LMNTD1: variants seen among roughly 807,000 people sequenced by gnomAD.
LMNTD1 encodes lamin tail domain-containing protein 1.
Under a neutral mutation model 50.9 loss-of-function variants are expected in LMNTD1, and 35 were observed. The observed-to-expected ratio is 0.69, with a 90% CI of 0.53 to 0.91. The LOEUF is 0.91. Among genes scored for constraint, LMNTD1 ranks in the 40% least tolerant of loss-of-function variants. The probability of loss-of-function intolerance (pLI) is 0.00; values close to 1 mark genes in which losing one functional copy is unlikely to be tolerated. For missense variants in LMNTD1, 470 were observed against 475.5 expected (o/e 0.99, Z 0.11); for synonymous variants, 153 against 161.9 (o/e 0.94, Z 0.42).
intron 1 of LMNTD1, among the ~76,000 whole-genome samples, chr12:25,626,529 A>T (rs1303569307): frequency 6.6e-6 from 1 of 152,128 alleles, no homozygotes; most frequent in Non-Finnish European, 1.5e-5. Context: ...TTTTTTGTGA[A>T]CTGAATTCAG....
At chr12:25,486,134 A>G (rs1315237425) in intron 9 of LMNTD1, among the ~76,000 whole-genome samples, 1 of 127,188 alleles carries the variant, frequency 7.9e-6, no homozygotes, top group South Asian at 3.2e-4. Context: ...CTTCCTACCC[A>G]TGAGCATGGA....
At chr12:25,493,964 G>A (rs1034938995) in intron 9 of LMNTD1, among the ~76,000 whole-genome samples, 2 of 152,282 alleles carry the variant, frequency 1.3e-5, no homozygotes. Context: ...AGGAGAGGAC[G>A]TTGTGGACAG....
At chr12:25,479,645 A>C (rs946538806) in intron 9 of LMNTD1, among the ~76,000 whole-genome samples, 1 of 152,246 alleles carries the variant, frequency 6.6e-6, no homozygotes. Context: ...TGCTGTGTGG[A>C]ATACCATGAC....
chr12:25,585,444 T>C (rs762150507), intron 1 of LMNTD1, among the ~76,000 whole-genome samples: 3 of 152,200 alleles, frequency 2.0e-5, no homozygotes, highest in Non-Finnish European at 4.4e-5. Flanking sequence ...TTGTAGTAGG[T>C]GGAACATTAT....
At position 25,515,269 on chromosome 12, in the gene LMNTD1, G is replaced by T. The variant is rs1233591205; in HGVS notation, c.1189+3526C>A. 2.0e-5 allele frequency among the ~76,000 whole-genome samples: 3 copies of T among 151,548 alleles called. No individual in the cohort carries two copies. The South Asian group carries it at 6.3e-4, about 32-fold the overall frequency. ...TATTGACGAGAAAAACATTAATAGGGGAATAAACAAGATACAGTAAATTTG... is the reference window on the plus strand; with the variant it reads ...TATTGACGAGAAAAACATTAATAGGTGAATAAACAAGATACAGTAAATTTG... On this transcript the variant is annotated intron_variant, in intron 8 of 9. Transcript: ENST00000458174.
chr12:25,489,422 C>G (rs899552900), intron 9 of LMNTD1, among the ~76,000 whole-genome samples: 3 of 151,394 alleles, frequency 2.0e-5, no homozygotes, highest in African/African-American at 4.9e-5. Context: ...TTATTTGACT[C>G]GGAAAGGGAA....
chr12:25,549,526 A>G lies in LMNTD1; in HGVS notation c.110T>C (p.Val37Ala). Residue 37 changes from valine to alanine, a missense_variant, in exon 3 of 10, where the codon GTA becomes GCA. Transcript: ENST00000458174. ...KQKQREDKLGVYSLVHFSPKM... is the reference protein window; with the variant it reads ...KQKQREDKLGAYSLVHFSPKM... ...TGGGGAAAAATGTACTAAAGAATATACTCCAAGTTTGTCTTCTCTTCTGTG... is the reference window on the plus strand; with the variant it reads ...TGGGGAAAAATGTACTAAAGAATATGCTCCAAGTTTGTCTTCTCTTCTGTG... 1 of 1,606,734 alleles carries G rather than the reference A, an allele frequency of 6.2e-7. No homozygotes were observed. The highest frequency in any genetic ancestry group is 8.5e-7 in the Non-Finnish European group (1 of 1,174,804).
intron 1 of LMNTD1, among the ~76,000 whole-genome samples, chr12:25,584,949 A>T (rs1183342778): frequency 6.6e-6 from 1 of 152,228 alleles, no homozygotes; most frequent in Non-Finnish European, 1.5e-5. Flanking sequence ...GCATCAAAAG[A>T]AATACTAGTT....
intron 9 of LMNTD1, among the ~76,000 whole-genome samples, chr12:25,491,818 A>T (rs1007885759): frequency 2.0e-5 from 3 of 152,218 alleles, no homozygotes; most frequent in African/African-American, 7.2e-5. Context: ...TAGGAGAGAC[A>T]ATAGGTTTCC....
intron 1 of LMNTD1, among the ~76,000 whole-genome samples, chr12:25,558,703 G>T (rs372642726): frequency 3.9e-5 from 6 of 152,278 alleles, no homozygotes; most frequent in South Asian, 4.1e-4. Flanking sequence ...AAGGGCAAAG[G>T]GTTGTCTCAC....
At chr12:25,574,910 C>T (rs567382792) in intron 1 of LMNTD1, among the ~76,000 whole-genome samples, 1 of 152,240 alleles carries the variant, frequency 6.6e-6, no homozygotes, top group South Asian at 2.1e-4. Flanking sequence ...ATTAACAAAT[C>T]CCATTATACT....
intron 1 of LMNTD1, among the ~76,000 whole-genome samples, chr12:25,603,783 A>G (rs932154659): frequency 2.6e-5 from 4 of 152,050 alleles, no homozygotes; most frequent in African/African-American, 9.7e-5. Context: ...TTTGGAATAG[A>G]ACCTGTCTAT....
At chr12:25,541,713 T>C (rs1353454402) in intron 4 of LMNTD1, among the ~76,000 whole-genome samples, 1 of 133,422 alleles carries the variant, frequency 7.5e-6, no homozygotes, top group Admixed American at 7.8e-5. Flanking sequence ...AAGACAAAAT[T>C]GACAAATGGG....
chr12:25,542,335 T>C (rs1489354509), intron 4 of LMNTD1, among the ~76,000 whole-genome samples: 1 of 150,696 alleles, frequency 6.6e-6, no homozygotes, highest in East Asian at 1.9e-4. Context: ...TGTCCAACAA[T>C]GATAGACTGG....
intron 1 of LMNTD1, among the ~76,000 whole-genome samples, chr12:25,636,064 A>G (rs1946826414): frequency 6.6e-6 from 1 of 152,186 alleles, no homozygotes; most frequent in Non-Finnish European, 1.5e-5. Flanking sequence ...CCTTCTAGAC[A>G]TTGGCTTAGG....
intron 1 of LMNTD1, among the ~76,000 whole-genome samples, chr12:25,625,373 T>C (rs1232788312): frequency 1.3e-5 from 2 of 152,058 alleles, no homozygotes; most frequent in Non-Finnish European, 2.9e-5. Flanking sequence ...TCTTGAGTAA[T>C]AATAAAGAAC....
intron 9 of LMNTD1, among the ~76,000 whole-genome samples, chr12:25,496,776 C>G (rs1415599466): frequency 6.6e-6 from 1 of 152,150 alleles, no homozygotes; most frequent in Non-Finnish European, 1.5e-5. Flanking sequence ...TAAGTACATT[C>G]ACAATGTTGT....
Position 25,530,957 on chromosome 12 carries a change from C to T in LMNTD1, c.492-4002G>A, listed in dbSNP as rs117524235. On this transcript the variant is annotated intron_variant, in intron 4 of 9. Coordinates refer to ENST00000458174, the MANE Select transcript of LMNTD1 (RefSeq NM_001145728.2). ...AACTGGAAGCAGAAGAGAGCTGCAG[C>T]GGGAGGGAAGTCAGAGAGAATCCAA... Among the ~76,000 whole-genome samples, 32 of 152,106 alleles carry T rather than the reference C, an allele frequency of 2.1e-4. No homozygotes were observed. In the East Asian group the frequency reaches 3.7e-3, roughly 17 times the overall value.
chr12:25,562,078 G>T (rs755114674), intron 1 of LMNTD1, among the ~76,000 whole-genome samples: 4 of 152,134 alleles, frequency 2.6e-5, no homozygotes, highest in African/African-American at 9.7e-5. Flanking sequence ...GATGGGTCTT[G>T]ACTCTTTATG....
Sources: allele counts gnomAD v4.1 joint callset (sites outside exome capture counted in the v4.1 genomes callset), GRCh38; gene constraint gnomAD v4.1.1; transcripts MANE v1.5; gene names NCBI Gene and HGNC (gene_info 2026-07-23, HGNC 2026-07-21).